The following ARRB1 variants were observed in gnomAD, a reference collection of about 807,000 sequenced individuals.
ARRB1 encodes the protein beta-arrestin-1.
A neutral mutation model predicts 56.8 loss-of-function variants in ARRB1; 21 were observed. The observed-to-expected ratio is 0.37, with a 90% CI of 0.26 to 0.53. The LOEUF (loss-of-function observed/expected upper bound fraction) is 0.53, where lower values mean the gene tolerates loss of function less well. Among genes scored for constraint, ARRB1 ranks in the 20% least tolerant of loss-of-function variants. The pLI is 0.88. For missense variants in ARRB1, 424 were observed against 553.7 expected, an observed-to-expected ratio of 0.77 and a Z score of 2.35; for synonymous variants, 210 against 218.6, an observed-to-expected ratio of 0.96 and a Z score of 0.35.
intron 1 of ARRB1, among the ~76,000 whole-genome samples, chr11:75,320,010 C>T (rs868051723): frequency 1.4e-4 from 21 of 152,304 alleles, no homozygotes; most frequent in African/African-American, 3.8e-4. Flanking sequence ...CCCAGGAAAC[C>T]GAAGCCCCAT....
intron 7 of ARRB1, among the ~76,000 whole-genome samples, chr11:75,280,043 C>T (rs1188285656): frequency 1.3e-5 from 2 of 152,150 alleles, no homozygotes; most frequent in Admixed American, 6.5e-5. Flanking sequence ...GTGTCTGGCA[C>T]CTAATCAGCC....
intron 1 of ARRB1, among the ~76,000 whole-genome samples, chr11:75,338,732 C>T (rs185118458): frequency 6.6e-6 from 1 of 152,170 alleles, no homozygotes. Context: ...GAAACGACAA[C>T]GCATATTAAT....
chr11:75,276,831 C>T lies in ARRB1; in HGVS notation c.776+8G>A, dbSNP rs1423993429. 1.2e-6 allele frequency: 2 copies of T among 1,613,912 alleles called. No individual in the cohort carries two copies. Among genetic ancestry groups the T allele is most frequent in the Non-Finnish European group, 1.7e-6 (2 of 1,179,790 alleles). On this transcript the variant is annotated splice_region_variant and intron_variant, in intron 10 of 15. Coordinates refer to ENST00000420843, the MANE Select transcript of ARRB1 (RefSeq NM_004041.5). The stretch of plus-strand genomic sequence containing the variant: ...CATACGCCCAAGGCCAGACTTGTGC[C>T]CACTTACTCAGCCTCTTCCATGGCA...
Position 75,283,271 on chromosome 11 carries a change from G to A in ARRB1, c.354+16C>T. 2 of 1,578,900 alleles carry A rather than the reference G, an allele frequency of 1.3e-6. No individual in the cohort carries two copies. Among genetic ancestry groups the A allele is most frequent in the African/African-American group, 1.3e-5 (1 of 74,238 alleles). On this transcript the variant is annotated intron_variant, in intron 5 of 15. Transcript: ENST00000420843. ...GGCATTTCTGGAATGGGGCCCCAGG[G>A]ATGGCAGTTCCTGACCTCAAAGGTG...
chr11:75,332,518 TTTATC>T (rs1947537700), intron 1 of ARRB1, among the ~76,000 whole-genome samples: 1 of 152,214 alleles, frequency 6.6e-6, no homozygotes, highest in Non-Finnish European at 1.5e-5. Context: ...TCCACAATCT[TTTATC>T]TTAACCTGAA....
chr11:75,272,587 T>C (rs1946094202), intron 12 of ARRB1, among the ~76,000 whole-genome samples: 1 of 151,990 alleles, frequency 6.6e-6, no homozygotes, highest in Non-Finnish European at 1.5e-5. Flanking sequence ...CAGCAAAGAC[T>C]CTGAGGACGC....
Position 75,267,044 on chromosome 11 carries a change from A to C in ARRB1, c.1145+608T>G, listed in dbSNP as rs12577043. ...CTGCCCAACAGGGTTCAGCCAGTGC[A>C]TGGGGCATCCTCATGGGGTGACCTG... On this transcript the variant is annotated intron_variant, in intron 15 of 15. Coordinates refer to ENST00000420843, the MANE Select transcript of ARRB1 (RefSeq NM_004041.5). Among the ~76,000 whole-genome samples, 682 of 152,234 alleles carry C rather than the reference A, an allele frequency of 4.5e-3. 29 individuals carry two copies. The East Asian group carries it at 0.1, about 23-fold the overall frequency.
chr11:75,295,858 C>CA (rs1565123314), intron 1 of ARRB1, among the ~76,000 whole-genome samples: 2 of 152,146 alleles, frequency 1.3e-5, no homozygotes, highest in African/African-American at 4.8e-5. Context: ...GGGTTCTTAC[C>CA]GGCCACAGGC....
At position 75,264,426 on chromosome 11, in the gene ARRB1, G is replaced by A. The variant is rs1231383545; in HGVS notation, c.*1737C>T. ...CCTGGGTAAACCTCAGGGTGTCTGT[G>A]CCCACAGGGGGCTGTGAGGTACTGC... On this transcript the variant is annotated 3_prime_UTR_variant, in exon 16 of 16. Transcript: ENST00000420843. 1 of 152,204 alleles carries A rather than the reference G, an allele frequency of 6.6e-6. No homozygotes were observed. The highest frequency in any genetic ancestry group is 6.5e-5 in the Admixed American group (1 of 15,284). The allele number at this position is 152,204 out of a possible 1,614,324, so 9.4% of individuals were successfully genotyped here.
In ARRB1 at chr11:75,262,224, C is replaced by T. The variant is rs936450121; in HGVS notation, c.*3939G>A. 3 of 152,190 alleles carry T rather than the reference C, an allele frequency of 2.0e-5. No individual in the cohort carries two copies. The highest frequency in any genetic ancestry group is 2.9e-5 in the Non-Finnish European group (2 of 68,032). 9.4% of individuals were successfully genotyped at this position (152,190 alleles called of 1,614,324 possible). ...TCCCTGAGCCTGGGGGCTGGTGGCT[C>T]TCTTTAACCTGGGTCAGAGCCAAGG... On this transcript the variant is annotated 3_prime_UTR_variant, in exon 16 of 16. Coordinates refer to ENST00000420843, the MANE Select transcript of ARRB1 (RefSeq NM_004041.5).
In ARRB1 at chr11:75,284,271, C is replaced by A. The variant is rs764386418; in HGVS notation, c.121G>T (p.Val41Phe). 4 of 1,607,984 alleles carry A rather than the reference C, an allele frequency of 2.5e-6. No individual in the cohort carries two copies. The highest frequency in any genetic ancestry group is 3.4e-6 in the Non-Finnish European group (4 of 1,175,870). ...TTGAGATACTCAGGATCCACCAGGA[C>A]CACACCATCTGGGGAAAGGACAGAG... ...IDLVDPVDGV[V>F]LVDPEYLKER... The change falls in exon 4 of 16, where the codon GTC (valine) becomes TTC (phenylalanine). Residue 41 changes from valine (V) to phenylalanine (F), a missense_variant. Val to Phe is a conservative substitution (Grantham distance 50, BLOSUM62 -1). This residue lies in a region of ARRB1 where 301 missense variants were observed against 387.9 expected (regional missense o/e 0.78). Transcript: ENST00000420843.
At chr11:75,289,696 G>A (rs969395637) in intron 2 of ARRB1, among the ~76,000 whole-genome samples, 4 of 152,126 alleles carry the variant, frequency 2.6e-5, no homozygotes, top group South Asian at 2.1e-4. Context: ...CACGGCCCTC[G>A]GCGCTTACTG....
chr11:75,341,559 A>C (rs1947693773), intron 1 of ARRB1, among the ~76,000 whole-genome samples: 1 of 152,206 alleles, frequency 6.6e-6, no homozygotes, highest in Non-Finnish European at 1.5e-5. Context: ...GCTGAAGGTC[A>C]TGGAGCTAGC....
intron 1 of ARRB1, among the ~76,000 whole-genome samples, chr11:75,300,524 G>A (rs1338571964): frequency 6.6e-6 from 1 of 152,148 alleles, no homozygotes; most frequent in Non-Finnish European, 1.5e-5. Flanking sequence ...ATGTGGTTCT[G>A]TCTGGGGAGT....
chr11:75,335,264 T>A (rs946952802), intron 1 of ARRB1: 1 of 176,228 alleles, frequency 5.7e-6, no homozygotes, highest in African/African-American at 2.4e-5. Context: ...CAAGTCTGTC[T>A]GTCTTTCTCT....
In ARRB1 at chr11:75,339,762, G is replaced by A. The variant is rs139036232; in HGVS notation, c.20+11826C>T. Among the ~76,000 whole-genome samples the A allele has an allele frequency of 6.3e-3, 963 of 152,288 alleles. 9 individuals are homozygous for A. The highest frequency in any genetic ancestry group is 0.011 in the Non-Finnish European group (759 of 68,014). The stretch of plus-strand genomic sequence containing the variant: ...AGCATGAGGGCAGAGACTTGTCTGG[G>A]TCCTCTTCATATTTCAGGTGCCCAG... On this transcript the variant is annotated intron_variant, in intron 1 of 15. Coordinates refer to ENST00000420843, the MANE Select transcript of ARRB1 (RefSeq NM_004041.5).
At chr11:75,323,357 G>A (rs1472518023) in intron 1 of ARRB1, among the ~76,000 whole-genome samples, 2 of 152,178 alleles carry the variant, frequency 1.3e-5, no homozygotes, top group African/African-American at 4.8e-5. Context: ...GGTGGCTCAC[G>A]CCTGTAATCC....
chr11:75,343,041 C>A (rs571994311), intron 1 of ARRB1, among the ~76,000 whole-genome samples: 8 of 152,180 alleles, frequency 5.3e-5, no homozygotes, highest in African/African-American at 1.9e-4. Flanking sequence ...CTCCTCCCAG[C>A]GAAATGCCTT....
At chr11:75,328,479 G>A (rs895019433) in intron 1 of ARRB1, among the ~76,000 whole-genome samples, 3 of 152,188 alleles carry the variant, frequency 2.0e-5, no homozygotes, top group Non-Finnish European at 2.9e-5. Context: ...ACAACATTGA[G>A]GTTCATTTGT....
Sources: allele counts gnomAD v4.1 joint callset (sites outside exome capture counted in the v4.1 genomes callset), GRCh38; gene constraint gnomAD v4.1.1; regional missense constraint gnomAD v4.1.1; transcripts MANE v1.5; gene names NCBI Gene and HGNC (gene_info 2026-07-23, HGNC 2026-07-21).